ZFPM2: variants seen among roughly 807,000 people sequenced by gnomAD.
ZFPM2 encodes zinc finger protein ZFPM2.
In ZFPM2, 20 loss-of-function variants were observed where a neutral mutation model predicts 98.6. The ratio of observed to expected loss-of-function variants is 0.20; its 90% CI spans 0.14 to 0.29. ZFPM2 has a LOEUF of 0.29. Ranked by LOEUF, ZFPM2 falls within the 10% of genes least tolerant of loss-of-function variation. The pLI is 1.00. For synonymous variants in ZFPM2, 518 were observed against 502.7 expected, an observed-to-expected ratio of 1.03 and a Z score of -0.41; for missense variants, 1,310 against 1,388.6, an observed-to-expected ratio of 0.94 and a Z score of 0.90.
At chr8:105,614,100 T>C (rs985510764) in intron 4 of ZFPM2, among the ~76,000 whole-genome samples, 1 of 152,188 alleles carries the variant, frequency 6.6e-6, no homozygotes, top group Non-Finnish European at 1.5e-5. Context: ...AACACATCTC[T>C]TAGTTCTCTT....
intron 1 of ZFPM2, among the ~76,000 whole-genome samples, chr8:105,336,300 A>T (rs1401146527): frequency 6.6e-6 from 1 of 151,738 alleles, no homozygotes; most frequent in Non-Finnish European, 1.5e-5. Context: ...CAACGAGTTT[A>T]CACATGTAAA....
intron 5 of ZFPM2, among the ~76,000 whole-genome samples, chr8:105,659,749 C>T (rs1406440430): frequency 6.6e-6 from 1 of 152,110 alleles, no homozygotes; most frequent in African/African-American, 2.4e-5. Flanking sequence ...TTTATTTGAA[C>T]AAATTCAATC....
chr8:105,456,146 G>GTTTTTTTTTTTTT, intron 3 of ZFPM2, among the ~76,000 whole-genome samples: 1 of 93,284 alleles, frequency 1.1e-5, no homozygotes, highest in Non-Finnish European at 2.4e-5. Flanking sequence ...CCAGGAAAAT[G>GTTTTTTTTTTTTT]TTTTTTTTTG....
At chr8:105,464,645 G>T (rs1279150021) in intron 3 of ZFPM2, among the ~76,000 whole-genome samples, 1 of 151,928 alleles carries the variant, frequency 6.6e-6, no homozygotes, top group Non-Finnish European at 1.5e-5. Context: ...TTTAATGGTG[G>T]GGTGGATTAT....
chr8:105,458,443 C>T (rs2130289535), intron 3 of ZFPM2, among the ~76,000 whole-genome samples: 2 of 152,034 alleles, frequency 1.3e-5, no homozygotes, highest in South Asian at 4.2e-4. Context: ...AATTTGTTTT[C>T]CCCCCATTAC....
In ZFPM2 at chr8:105,763,653, CTG is replaced by C. The variant is rs527286655; in HGVS notation, c.533-25061_533-25060del. ...AATCCCCATTTTCCAGATGAGGAAACTGTGTCTCAGAAGGATTAAGTAGATTG... is the reference window on the plus strand; with the variant it reads ...AATCCCCATTTTCCAGATGAGGAAACTGTCTCAGAAGGATTAAGTAGATTG... On this transcript the variant is annotated intron_variant, in intron 5 of 7. Coordinates refer to ENST00000407775, the MANE Select transcript of ZFPM2 (RefSeq NM_012082.4). Among the ~76,000 whole-genome samples the C allele has an allele frequency of 6.9e-3, 1,047 of 151,956 alleles. 13 individuals carry two copies. Among genetic ancestry groups the C allele is most frequent in the African/African-American group, 0.024 (989 of 41,512 alleles).
intron 5 of ZFPM2, among the ~76,000 whole-genome samples, chr8:105,651,481 A>AG (rs1817174633): frequency 6.7e-6 from 1 of 149,624 alleles, no homozygotes. Flanking sequence ...AAAAAAAAAA[A>AG]TCCCACCTGT....
At chr8:105,430,178 C>G (rs1811992872) in intron 2 of ZFPM2, among the ~76,000 whole-genome samples, 1 of 152,152 alleles carries the variant, frequency 6.6e-6, no homozygotes, top group Non-Finnish European at 1.5e-5. Context: ...TTCAAAACTT[C>G]TCACTTGGAC....
chr8:105,358,848 G>A (rs543462798), intron 1 of ZFPM2, among the ~76,000 whole-genome samples: 1 of 152,260 alleles, frequency 6.6e-6, no homozygotes, highest in East Asian at 1.9e-4. Flanking sequence ...CCAGCTACTT[G>A]GGAGGCTGAG....
In ZFPM2 at chr8:105,801,168, C is replaced by T; in HGVS notation, c.1086C>T (p.Ala362=). The stretch of plus-strand genomic sequence containing the variant: ...TGTTCTCCCATCTCACTCAAGCTGC[C>T]TTCCGATGTAATCACTGCCATTTCG... ...QHLFSHLTQA[A]FRCNHCHFGF... The change falls in exon 8 of 8, where the codon GCC becomes GCT. Residue 362 remains alanine (A), a synonymous_variant. Coordinates refer to ENST00000407775, the MANE Select transcript of ZFPM2 (RefSeq NM_012082.4). 1 of 1,613,984 alleles carries T rather than the reference C, an allele frequency of 6.2e-7. No homozygotes were observed. The highest frequency in any genetic ancestry group is 8.5e-7 in the Non-Finnish European group (1 of 1,179,880).
At chr8:105,368,572 T>C (rs1307206834) in intron 1 of ZFPM2, among the ~76,000 whole-genome samples, 1 of 152,198 alleles carries the variant, frequency 6.6e-6, no homozygotes, top group Non-Finnish European at 1.5e-5. Flanking sequence ...AATTTTTTTT[T>C]CTTAATTTTA....
intron 4 of ZFPM2, among the ~76,000 whole-genome samples, chr8:105,579,433 G>A (rs1031577188): frequency 1.1e-4 from 16 of 152,084 alleles, no homozygotes; most frequent in African/African-American, 3.9e-4. Flanking sequence ...TGATTCATAA[G>A]GATTATTGTC....
At chr8:105,499,114 T>C (rs1813535489) in intron 3 of ZFPM2, among the ~76,000 whole-genome samples, 2 of 152,094 alleles carry the variant, frequency 1.3e-5, no homozygotes, top group Admixed American at 1.3e-4. Flanking sequence ...TTCCTCTCTC[T>C]GCTGGTGTTC....
At chr8:105,517,707 CCACACACA>C (rs1554613621) in intron 3 of ZFPM2, among the ~76,000 whole-genome samples, 32 of 124,978 alleles carry the variant, frequency 2.6e-4, no homozygotes, top group Admixed American at 5.7e-4. Context: ...CACACACACA[CCACACACA>C]CACACACACA....
intron 4 of ZFPM2, among the ~76,000 whole-genome samples, chr8:105,569,364 T>A (rs1815308294): frequency 6.6e-6 from 1 of 152,194 alleles, no homozygotes; most frequent in Non-Finnish European, 1.5e-5. Context: ...TTCAAGACCC[T>A]GCATCCTTCC....
chr8:105,716,712 C>T (rs1174969211), intron 5 of ZFPM2, among the ~76,000 whole-genome samples: 1 of 151,962 alleles, frequency 6.6e-6, no homozygotes. Flanking sequence ...ATGGCCACCT[C>T]ATGTGCTTTT....
intron 3 of ZFPM2, among the ~76,000 whole-genome samples, chr8:105,558,265 C>G (rs967182853): frequency 6.6e-6 from 1 of 152,124 alleles, no homozygotes; most frequent in African/African-American, 2.4e-5. Context: ...TTGCGCTATG[C>G]TTGCAGTTTT....
intron 5 of ZFPM2, among the ~76,000 whole-genome samples, chr8:105,747,973 G>A (rs371833813): frequency 5.9e-5 from 9 of 152,030 alleles, no homozygotes; most frequent in East Asian, 3.9e-4. Context: ...TGTATGTAGC[G>A]TTTGGTATAT....
chr8:105,750,534 A>G (rs1016372341), intron 5 of ZFPM2, among the ~76,000 whole-genome samples: 2 of 152,200 alleles, frequency 1.3e-5, no homozygotes, highest in Middle Eastern at 3.4e-3. Context: ...AATTTTAAAA[A>G]TGTGTATTTC....
Sources: gnomAD v4.1 joint callset for allele counts (sites outside exome capture counted in the v4.1 genomes callset) on GRCh38, gnomAD v4.1.1 for gene constraint, MANE v1.5 for transcripts, NCBI Gene and HGNC (gene_info 2026-07-23, HGNC 2026-07-21) for gene names.